Variants in CYLC1 observed in about 807,000 individuals in gnomAD.
CYLC1 encodes cylicin-1.
In CYLC1, 2 loss-of-function variants were observed where a neutral mutation model predicts 31.6. That is an observed-to-expected ratio of 0.06 (90% CI 0.03 to 0.20). The LOEUF (loss-of-function observed/expected upper bound fraction) is 0.20. CYLC1 is among the 10% of genes least tolerant of loss of function. CYLC1 has a pLI of 1.00. For synonymous variants in CYLC1, 185 were observed against 153.0 expected, an observed-to-expected ratio of 1.21 and a Z score of -1.54; for missense variants, 595 against 424.1, an observed-to-expected ratio of 1.40 and a Z score of -3.54.
rs1292252541 is a variant in CYLC1, at chrX:83,878,384, TATATATAA to T, written c.1923+3761_1923+3768del. On this transcript the variant is annotated intron_variant, in intron 4 of 4. Transcript: ENST00000329312. Reference sequence around the variant, plus strand: ...AAATATATATAAATATATATATAAATATATATAAATATATATAAATATATATAAATATA... The same window carrying T: ...AAATATATATAAATATATATATAAATATATATATAAATATATATAAATATA... Among the ~76,000 whole-genome samples the T allele has an allele frequency of 2.5e-3, 90 of 35,572 alleles. 1 individual carries two copies. The highest frequency in any genetic ancestry group is 2.9e-3 in the Non-Finnish European group (62 of 21,199). 30.9% of individuals were successfully genotyped at this position (35,572 alleles called of 115,157 possible).
chrX:83,882,323 T>C (rs761721979), intron 4 of CYLC1, among the ~76,000 whole-genome samples: 2 of 111,258 alleles, frequency 1.8e-5, no homozygotes, highest in South Asian at 7.6e-4. Flanking sequence ...TATTTGCCAA[T>C]TACCTTTATA....
At chrX:83,866,626 TA>T (rs1301655437) in intron 1 of CYLC1, among the ~76,000 whole-genome samples, 6 of 110,241 alleles carry the variant, frequency 5.4e-5, no homozygotes, top group African/African-American at 1.6e-4. Flanking sequence ...TTCCAGCCAT[TA>T]AAAAAAAGGT....
chrX:83,873,284 A>C lies in CYLC1; in HGVS notation c.576A>C (p.Ser192=), dbSNP rs763585371. 1 of 1,202,689 alleles carries C rather than the reference A, an allele frequency of 8.3e-7. No homozygotes were observed. The highest frequency in any genetic ancestry group is 1.8e-5 in the South Asian group (1 of 55,219). Reference sequence around the variant, plus strand: ...AATCCCAAAATTCTAAGACAGTCTCAAAAAATTGTTCACAAAAAGATAAGA... The same window carrying C: ...AATCCCAAAATTCTAAGACAGTCTCCAAAAATTGTTCACAAAAAGATAAGA... The part of the protein sequence containing the change: ...NPESQNSKTV[S]KNCSQKDKKD... Residue 192 remains serine (S), a synonymous_variant, in exon 4 of 5, where the codon TCA becomes TCC. Coordinates refer to ENST00000329312, the MANE Select transcript of CYLC1 (RefSeq NM_021118.3).
intron 3 of CYLC1, 71 bp downstream of exon 3, chrX:83,871,641 C>T: frequency 6.1e-6 from 6 of 982,224 alleles, no homozygotes; most frequent in Non-Finnish European, 8.2e-6. Flanking sequence ...ATAAGTAAGG[C>T]CTATATAACT....
intron 1 of CYLC1, among the ~76,000 whole-genome samples, chrX:83,862,734 T>A (rs1478025156): frequency 1.8e-5 from 2 of 111,549 alleles, no homozygotes; most frequent in Non-Finnish European, 3.8e-5. Flanking sequence ...CATTATCTCT[T>A]TGAAACTCAC....
At chrX:83,879,182 A>G (rs1461290730) in intron 4 of CYLC1, among the ~76,000 whole-genome samples, 1 of 110,850 alleles carries the variant, frequency 9.0e-6, no homozygotes. Context: ...AAATACAAAT[A>G]CAACAACAGA....
chrX:83,871,722 C>A, intron 3 of CYLC1, 152 bp downstream of exon 3: 1 of 466,216 alleles, frequency 2.1e-6, no homozygotes, highest in Non-Finnish European at 3.3e-6. Flanking sequence ...CCCCTACCTG[C>A]TTTAGATTAA....
chrX:83,861,215 A>T lies in CYLC1; in HGVS notation c.17+16A>T. 1.7e-6 allele frequency: 2 copies of T among 1,163,129 alleles called. No homozygotes were observed. The highest frequency in any genetic ancestry group is 2.3e-6 in the Non-Finnish European group (2 of 857,885). The stretch of plus-strand genomic sequence containing the variant: ...TTCCAAGGTTGTAAGTCCTCTTTTT[A>T]ATATTTTTTTAGTATTTTAAATAGC... On this transcript the variant is annotated intron_variant, in intron 1 of 4. Transcript: ENST00000329312.
intron 4 of CYLC1, among the ~76,000 whole-genome samples, chrX:83,882,660 C>T (rs1006571491): frequency 2.7e-5 from 3 of 111,005 alleles, no homozygotes; most frequent in Non-Finnish European, 5.7e-5. Flanking sequence ...CTACATCCAA[C>T]TCAAAGTTGT....
intron 1 of CYLC1, among the ~76,000 whole-genome samples, chrX:83,867,459 A>G (rs1476434380): frequency 8.9e-6 from 1 of 111,919 alleles, no homozygotes; most frequent in African/African-American, 3.2e-5. Flanking sequence ...TGTCACAAAC[A>G]TAGTAGCCTA....
intron 3 of CYLC1, among the ~76,000 whole-genome samples, chrX:83,872,094 T>C (rs963887029): frequency 1.8e-5 from 2 of 111,196 alleles, no homozygotes; most frequent in African/African-American, 6.5e-5. Context: ...TCAAGGGTCA[T>C]TTATTACATT....
intron 1 of CYLC1, among the ~76,000 whole-genome samples, chrX:83,868,734 C>T (rs1379229363): frequency 9.0e-6 from 1 of 110,827 alleles, no homozygotes; most frequent in African/African-American, 3.3e-5. Flanking sequence ...CTTTCTATTC[C>T]ACATAATTAG....
rs1161376382 is a variant in CYLC1, at chrX:83,873,186, A to G, written c.478A>G (p.Lys160Glu). ...AACTAAAAGACAAAATGAGGCAGATAAAACTCCCTTAAAATCATCACATGA... is the reference window on the plus strand; with the variant it reads ...AACTAAAAGACAAAATGAGGCAGATGAAACTCCCTTAAAATCATCACATGA... Reference protein sequence around the residue: ...EKTKRQNEADKTPLKSSHENE... With the variant: ...EKTKRQNEADETPLKSSHENE... The change falls in exon 4 of 5, where the codon AAA (lysine) becomes GAA (glutamate). Residue 160 changes from lysine (K) to glutamate (E), a missense_variant. Coordinates refer to ENST00000329312, the MANE Select transcript of CYLC1 (RefSeq NM_021118.3). 5 of 1,206,853 alleles carry G rather than the reference A, an allele frequency of 4.1e-6. No individual in the cohort carries two copies. Among genetic ancestry groups the G allele is most frequent in the Non-Finnish European group, 5.6e-6 (5 of 892,908 alleles).
chrX:83,880,753 C>T (rs1041085860), intron 4 of CYLC1, among the ~76,000 whole-genome samples: 1 of 111,367 alleles, frequency 9.0e-6, no homozygotes, highest in Non-Finnish European at 1.9e-5. Flanking sequence ...GGGAGCACCA[C>T]TCCTATCAAC....
At chrX:83,871,126 C>T (rs2031657324) in intron 2 of CYLC1, among the ~76,000 whole-genome samples, 1 of 109,969 alleles carries the variant, frequency 9.1e-6, no homozygotes, top group Non-Finnish European at 1.9e-5. Context: ...TAGATATTTT[C>T]AAGGAAACAG....
chrX:83,877,953 A>ATATAAATATATATATTTGTATATAC (rs1367806965), intron 4 of CYLC1, among the ~76,000 whole-genome samples: 13 of 74,606 alleles, frequency 1.7e-4, no homozygotes, highest in South Asian at 7.0e-4. Flanking sequence ...TTTGTATATA[A>ATATAAATATATATATTTGTATATAC]ATATAAATAT....
intron 4 of CYLC1, among the ~76,000 whole-genome samples, chrX:83,879,338 G>A (rs975818098): frequency 9.2e-6 from 1 of 108,889 alleles, no homozygotes; most frequent in African/African-American, 3.4e-5. Context: ...CCATTTCCTT[G>A]TACAAGCAAA....
At chrX:83,878,163 T>G (rs1265386903) in intron 4 of CYLC1, among the ~76,000 whole-genome samples, 1 of 42,572 alleles carries the variant, frequency 2.3e-5, no homozygotes, top group African/African-American at 9.9e-5. Flanking sequence ...TATAAATATA[T>G]ATATAAAATA....
In CYLC1 at chrX:83,878,017, A is replaced by T. The variant is rs182364713; in HGVS notation, c.1923+3386A>T. ...ATATTTGTATATAAATATATATATA[A>T]AAATATATATATTTGTATATAAATA... is the stretch of plus-strand genomic sequence containing the variant. On this transcript the variant is annotated intron_variant, in intron 4 of 4. Coordinates refer to ENST00000329312, the MANE Select transcript of CYLC1 (RefSeq NM_021118.3). Among the ~76,000 whole-genome samples the T allele has an allele frequency of 6.0e-3, 312 of 52,208 alleles. 1 individual carries two copies. The highest frequency in any genetic ancestry group is 0.013 in the East Asian group (9 of 709). 45.3% of individuals were successfully genotyped at this position (52,208 alleles called of 115,157 possible).
Sources: gnomAD v4.1 joint callset for allele counts (sites outside exome capture counted in the v4.1 genomes callset) on GRCh38, gnomAD v4.1.1 for gene constraint, MANE v1.5 for transcripts, NCBI Gene and HGNC (gene_info 2026-07-23, HGNC 2026-07-21) for gene names.